Variants in MYOM1 observed in about 807,000 individuals in gnomAD.
MYOM1 encodes the protein myomesin-1.
In MYOM1, 164 loss-of-function variants were observed where a neutral mutation model predicts 205.3. That is an observed-to-expected ratio of 0.80 (90% confidence interval 0.70 to 0.91). MYOM1 has a LOEUF of 0.91. Among genes scored for constraint, MYOM1 ranks in the 40% least tolerant of loss-of-function variants. MYOM1 has a pLI of 0.00. For missense variants in MYOM1, 2,011 were observed against 2,127.3 expected (o/e 0.95, Z 1.08); for synonymous variants, 772 against 789.4 (o/e 0.98, Z 0.37).
At chr18:3,153,948 T>C (rs1412875168) in intron 11 of MYOM1, among the ~76,000 whole-genome samples, 1 of 152,218 alleles carries the variant, frequency 6.6e-6, no homozygotes, top group Non-Finnish European at 1.5e-5. Flanking sequence ...TCATAATTAA[T>C]GTGTAAAGCC....
At chr18:3,164,932 T>C (rs2080445981) in intron 9 of MYOM1, among the ~76,000 whole-genome samples, 1 of 137,432 alleles carries the variant, frequency 7.3e-6, no homozygotes, top group Non-Finnish European at 1.6e-5. Context: ...TTTATACTTT[T>C]AGCAACTTCA....
chr18:3,083,696 T>A, intron 33 of MYOM1, 93 bp downstream of exon 33: 1 of 869,516 alleles, frequency 1.2e-6, no homozygotes, highest in Non-Finnish European at 1.8e-6. Flanking sequence ...TCCACCTGCC[T>A]CGGCCTCCCA....
chr18:3,094,109 A>G, intron 26 of MYOM1, 61 bp downstream of exon 26: 2 of 1,556,582 alleles, frequency 1.3e-6, no homozygotes, highest in Non-Finnish European at 1.8e-6. Context: ...ACATCCACAT[A>G]AGGCTTCCTC....
chr18:3,088,004 T>C (rs182600485), intron 29 of MYOM1, among the ~76,000 whole-genome samples: 15 of 152,300 alleles, frequency 9.8e-5, no homozygotes, highest in Admixed American at 2.0e-4. Context: ...ATGACTGAGC[T>C]GGGCCTGGGA....
intron 17 of MYOM1, among the ~76,000 whole-genome samples, chr18:3,131,136 A>T (rs1279244731): frequency 6.6e-6 from 1 of 152,204 alleles, no homozygotes; most frequent in Non-Finnish European, 1.5e-5. Flanking sequence ...ATCTGAGGAA[A>T]CTTGGGTTCG....
chr18:3,086,696 A>C (rs1358287916), intron 29 of MYOM1, among the ~76,000 whole-genome samples: 1 of 152,218 alleles, frequency 6.6e-6, no homozygotes, highest in Non-Finnish European at 1.5e-5. Flanking sequence ...TCTTCTCATC[A>C]TATCATCTAT....
At chr18:3,170,305 T>C (rs991475028) in intron 8 of MYOM1, among the ~76,000 whole-genome samples, 1 of 152,172 alleles carries the variant, frequency 6.6e-6, no homozygotes, top group African/African-American at 2.4e-5. Context: ...AAATAAGACA[T>C]GTTTGAGATG....
intron 23 of MYOM1, among the ~76,000 whole-genome samples, chr18:3,101,148 C>T (rs2079370460): frequency 6.6e-6 from 1 of 152,312 alleles, no homozygotes; most frequent in South Asian, 2.1e-4. Context: ...AAGAAATTTA[C>T]AGCATGGTGG....
At chr18:3,217,171 C>T (rs2081278496) in intron 1 of MYOM1, 1 of 152,310 alleles carries the variant, frequency 6.6e-6, no homozygotes, top group Non-Finnish European at 1.5e-5. Context: ...TTGTTTAAGC[C>T]ACCCAGTCCA....
In MYOM1 at chr18:3,134,824, T is replaced by G; in HGVS notation, c.2210A>C (p.Asp737Ala). The stretch of plus-strand genomic sequence containing the variant: ...GATTTTGCCAGGAGCCTTGGGGATA[T>G]CTGAGAAAGAGGAAAATGGTGATCA... ...TEVTVVGDKLDIPKAPGKIIP... is the reference protein window; with the variant it reads ...TEVTVVGDKLAIPKAPGKIIP... Residue 737 changes from aspartate to alanine, a missense_variant and splice_region_variant, in exon 16 of 38, where the codon GAT (aspartate) becomes GCT (alanine). Transcript: ENST00000356443. 1 of 1,614,010 alleles carries G rather than the reference T, an allele frequency of 6.2e-7. No homozygotes were observed. Among genetic ancestry groups the G allele is most frequent in the Non-Finnish European group, 8.5e-7 (1 of 1,179,892 alleles).
At chr18:3,194,065 A>G in intron 2 of MYOM1, 107 bp from the exon 3 acceptor site, 1 of 1,108,160 alleles carries the variant, frequency 9.0e-7, no homozygotes, top group Non-Finnish European at 1.3e-6. Flanking sequence ...CAAATCCTAG[A>G]TCTCTAATGT....
At chr18:3,087,129 C>T (rs989013514) in intron 29 of MYOM1, among the ~76,000 whole-genome samples, 1 of 152,096 alleles carries the variant, frequency 6.6e-6, no homozygotes, top group Non-Finnish European at 1.5e-5. Flanking sequence ...ACATTGCTTA[C>T]GATAAAAATG....
the MYOM1 span, among the ~76,000 whole-genome samples, chr18:3,230,018 T>C: frequency 2.7e-5 from 4 of 146,868 alleles, no homozygotes; most frequent in South Asian, 2.2e-4. Context: ...ATATGTCTCA[T>C]AGCTATCCTC....
rs929663462 is a variant in MYOM1, at chr18:3,083,845, T to G, written c.4428A>C (p.Gln1476His). 3.2e-6 allele frequency: 5 copies of G among 1,584,148 alleles called. No homozygotes were observed. In the African/African-American group the frequency reaches 5.4e-5, roughly 17 times the overall value. ...LKIQSTAEGI[Q>H]LYSFVTYYVE... ...CATAGTAAGTTACAAAAGAGTACAG[T>G]TGGATGCCCTCGGCTGTGCTCTGGA... The change falls in exon 33 of 38, where the codon CAA (glutamine) becomes CAC (histidine). Residue 1476 changes from glutamine to histidine, a missense_variant. By Grantham distance (24) the Gln-to-His change is conservative. Transcript: ENST00000356443.
At chr18:3,089,705 G>T in intron 27 of MYOM1, 109 bp from the exon 28 acceptor site, 1 of 726,148 alleles carries the variant, frequency 1.4e-6, no homozygotes, top group Non-Finnish European at 2.1e-6. Flanking sequence ...CTCATACATT[G>T]TGACAACCCT....
Position 3,067,354 on chromosome 18 carries a change from T to C in MYOM1, c.4966A>G (p.Thr1656Ala). Reference sequence around the variant, plus strand: ...AACACGCTGACGGTGAAGTCGCTGGTCTCCGAGCCATACTTGTTCTTCACA... The same window carrying C: ...AACACGCTGACGGTGAAGTCGCTGGCCTCCGAGCCATACTTGTTCTTCACA... ...LVVKNKYGSE[T>A]SDFTVSVFIP... Residue 1656 changes from threonine to alanine, a missense_variant, in exon 38 of 38, where the codon ACC (threonine) becomes GCC (alanine). By Grantham distance (58) the Thr-to-Ala change is moderately conservative (BLOSUM62 0). Coordinates refer to ENST00000356443, the MANE Select transcript of MYOM1 (RefSeq NM_003803.4). 6.2e-7 allele frequency: 1 copy of C among 1,612,466 alleles called. No homozygotes were observed. Among genetic ancestry groups the C allele is most frequent in the African/African-American group, 1.3e-5 (1 of 75,000 alleles).
intron 10 of MYOM1, among the ~76,000 whole-genome samples, chr18:3,161,436 C>T (rs1384747270): frequency 6.6e-6 from 1 of 152,210 alleles, no homozygotes; most frequent in Non-Finnish European, 1.5e-5. Context: ...TACCTGCTAG[C>T]TCCCCTCACT....
rs546357155 is a variant in MYOM1 at position 3,134,813 on chromosome 18, C to G, written c.2221G>C (p.Ala741Pro). The change falls in exon 16 of 38, where the codon GCT (alanine) becomes CCT (proline). Residue 741 changes from alanine (A) to proline (P), a missense_variant. By Grantham distance (27) the Ala-to-Pro change is conservative (BLOSUM62 -1). Coordinates refer to ENST00000356443, the MANE Select transcript of MYOM1 (RefSeq NM_003803.4). ...VVGDKLDIPKAPGKIIPSRNT... is the reference protein window; with the variant it reads ...VVGDKLDIPKPPGKIIPSRNT... Reference sequence around the variant, plus strand: ...CTGCTTGGGATGATTTTGCCAGGAGCCTTGGGGATATCTGAGAAAGAGGAA... The same window carrying G: ...CTGCTTGGGATGATTTTGCCAGGAGGCTTGGGGATATCTGAGAAAGAGGAA... The G allele has an allele frequency of 1.4e-4, 228 of 1,613,954 alleles. 8 individuals carry two copies. The South Asian group carries it at 2.2e-3, about 16-fold the overall frequency.
chr18:3,126,715 C>T lies in MYOM1; in HGVS notation c.2977G>A (p.Glu993Lys), dbSNP rs749399014. The T allele has an allele frequency of 1.2e-6, 2 of 1,613,064 alleles. No homozygotes were observed. The highest frequency in any genetic ancestry group is 1.7e-6 in the Non-Finnish European group (2 of 1,179,334). The change falls in exon 19 of 38, where the codon GAG becomes AAG. Residue 993 changes from glutamate to lysine, a missense_variant. Coordinates refer to ENST00000356443, the MANE Select transcript of MYOM1 (RefSeq NM_003803.4). ...WREANVKAVS[E>K]EAYKISNLKE... ...CACGTGCTTACCTTGTATGCCTCCT[C>T]ACTGACAGCCTTGACATTGGCTTCT...
Sources: allele counts gnomAD v4.1 joint callset (sites outside exome capture counted in the v4.1 genomes callset), GRCh38; gene constraint gnomAD v4.1.1; transcripts MANE v1.5; gene names NCBI Gene and HGNC (gene_info 2026-07-23, HGNC 2026-07-21).